Variants in ECI2 observed in about 807,000 individuals in gnomAD.
The protein encoded by ECI2 is enoyl-CoA delta isomerase 2.
ECI2 carries 27 observed loss-of-function variants against 38.4 expected under a neutral mutation model. The observed-to-expected ratio is 0.70, with a 90% confidence interval of 0.52 to 0.97. ECI2 has a LOEUF of 0.97. Ranked by LOEUF, ECI2 falls within the 50% of genes least tolerant of loss-of-function variation. The pLI is 0.00. For missense variants in ECI2, 470 were observed against 474.4 expected (o/e 0.99, Z 0.09); for synonymous variants, 168 against 172.0 (o/e 0.98, Z 0.18).
chr6:4,131,582 T>G (rs1238669132), intron 2 of ECI2, among the ~76,000 whole-genome samples: 2 of 151,942 alleles, frequency 1.3e-5, no homozygotes, highest in Non-Finnish European at 1.5e-5. Context: ...ACAAGCCAGG[T>G]GTGGTGGCTC....
rs1484198174 is a variant in ECI2, at chr6:4,116,003, G to C, written c.1056C>G (p.Ile352Met). 5 of 1,613,424 alleles carry C rather than the reference G, an allele frequency of 3.1e-6. No individual in the cohort carries two copies. Among genetic ancestry groups the C allele is most frequent in the Non-Finnish European group, 3.4e-6 (4 of 1,179,812 alleles). ...PNALRISKEV[I>M]RKREREKLHA... ...GTAGTTTTTCTCTCTCTCTTTTCCT[G>C]ATTACCTCTTTTGAAATTCTCAAGG... Residue 352 changes from isoleucine (I) to methionine (M), a missense_variant, in exon 10 of 10, where the codon ATC (isoleucine) becomes ATG (methionine). Coordinates refer to ENST00000380118, the MANE Select transcript of ECI2 (RefSeq NM_206836.3).
intron 7 of ECI2, among the ~76,000 whole-genome samples, chr6:4,121,525 T>C (rs1772752175): frequency 6.6e-6 from 1 of 152,228 alleles, no homozygotes; most frequent in Non-Finnish European, 1.5e-5. Context: ...TATCGCTTTA[T>C]AGACAAACTT....
At chr6:4,130,950 C>T in intron 2 of ECI2, 85 bp from the exon 3 acceptor site, 1 of 1,255,316 alleles carries the variant, frequency 8.0e-7, no homozygotes, top group East Asian at 2.3e-5. Context: ...TCTGTAAGTA[C>T]ATGAATGCCT....
chr6:4,135,435 A>C, intron 1 of ECI2, 76 bp downstream of exon 1: 1 of 1,606,798 alleles, frequency 6.2e-7, no homozygotes, highest in Non-Finnish European at 8.5e-7. Context: ...AGGGTCTTCC[A>C]ACGGCGGCGA....
chr6:4,134,400 G>A (rs1773632613), intron 1 of ECI2, among the ~76,000 whole-genome samples: 1 of 152,182 alleles, frequency 6.6e-6, no homozygotes. Context: ...GAACAGAGCA[G>A]AAACAGCAAC....
intron 7 of ECI2, 47 bp from the exon 8 acceptor site, chr6:4,119,322 T>A (rs775909942): frequency 5.4e-6 from 4 of 738,708 alleles, no homozygotes; most frequent in Non-Finnish European, 7.4e-6. Context: ...ATGTGTGATT[T>A]TTTTTTTTTT....
chr6:4,135,331 C>A, intron 1 of ECI2, 180 bp downstream of exon 1: 1 of 1,464,654 alleles, frequency 6.8e-7, no homozygotes, highest in South Asian at 1.3e-5. Flanking sequence ...CCCAGCGGTG[C>A]AGGAGGGCGC....
intron 7 of ECI2, chr6:4,122,052 T>C (rs776988207): frequency 1.3e-6 from 2 of 1,552,310 alleles, no homozygotes; most frequent in Non-Finnish European, 8.8e-7. Flanking sequence ...AACAGGTACA[T>C]GCAAAGTTGC....
chr6:4,127,962 A>G (rs1773283448), intron 4 of ECI2, 131 bp from the exon 5 acceptor site: 1 of 790,424 alleles, frequency 1.3e-6, no homozygotes, highest in South Asian at 2.3e-5. Flanking sequence ...GTTGTATTTT[A>G]TAACCAAAAA....
chr6:4,134,973 TC>T, intron 1 of ECI2: 1 of 372,890 alleles, frequency 2.7e-6, no homozygotes, highest in South Asian at 1.9e-5. Context: ...ATGCACAGAT[TC>T]GTGCGGGTTC....
chr6:4,127,715 C>A (rs1773263222), intron 5 of ECI2, 47 bp downstream of exon 5: 1 of 1,573,242 alleles, frequency 6.4e-7, no homozygotes, highest in South Asian at 1.1e-5. Flanking sequence ...TATTAAGAGG[C>A]CCCTCAAAAT....
Position 4,128,258 on chromosome 6 carries a change from G to A in ECI2, c.502-427C>T, listed in dbSNP as rs115014208. On this transcript the variant is annotated intron_variant, in intron 4 of 9. Coordinates refer to ENST00000380118, the MANE Select transcript of ECI2 (RefSeq NM_206836.3). ...GTGGGCAGAGTGGGAGGTGGTCAGA[G>A]AAAACTTTCTACAAAGCAACGTCTC... 5.3e-3 allele frequency among the ~76,000 whole-genome samples: 811 copies of A among 151,964 alleles called. 6 individuals carry two copies. The highest frequency in any genetic ancestry group is 9.0e-3 in the Non-Finnish European group (615 of 67,972).
rs1223846442 is a variant in ECI2, at chr6:4,117,353, T to A, written c.984A>T (p.Lys328Asn). Reference sequence around the variant, plus strand: ...ATGCCTTCAGCCTGGTCCAGACTTCTTTCTGAAAAGTGCTATCAGGGAAAA... The same window carrying A: ...ATGCCTTCAGCCTGGTCCAGACTTCATTCTGAAAAGTGCTATCAGGGAAAA... ...TEVFPDSTFQ[K>N]EVWTRLKAFA... Residue 328 changes from lysine to asparagine, a missense_variant, in exon 9 of 10, where the codon AAA (lysine) becomes AAT (asparagine). By Grantham distance (94) the Lys-to-Asn change is moderately conservative. Coordinates refer to ENST00000380118, the MANE Select transcript of ECI2 (RefSeq NM_206836.3). 1.2e-6 allele frequency: 2 copies of A among 1,613,834 alleles called. No individual in the cohort carries two copies. Among genetic ancestry groups the A allele is most frequent in the Non-Finnish European group, 1.7e-6 (2 of 1,179,926 alleles).
rs978332050 is a variant in ECI2, at chr6:4,133,541, G to A, written c.213+8C>T. Reference sequence around the variant, plus strand: ...TTCTTTAAATAACGTTCGACCGTAGGCATTTACCTGCTTATATAGCGCGTA... The same window carrying A: ...TTCTTTAAATAACGTTCGACCGTAGACATTTACCTGCTTATATAGCGCGTA... On this transcript the variant is annotated splice_region_variant and intron_variant, in intron 2 of 9. Coordinates refer to ENST00000380118, the MANE Select transcript of ECI2 (RefSeq NM_206836.3). The A allele has an allele frequency of 3.1e-6, 5 of 1,600,622 alleles. No homozygotes were observed. In the African/African-American group the frequency reaches 6.7e-5, roughly 22 times the overall value.
In ECI2 at chr6:4,117,463, A is replaced by C. The variant is rs769909134; in HGVS notation, c.886-12T>G. On this transcript the variant is annotated splice_polypyrimidine_tract_variant and intron_variant, in intron 8 of 9. Transcript: ENST00000380118. Reference sequence around the variant, plus strand: ...AGCATCTCTGTTGCCTGAAATGAAAAGCAAGAAGCAAGGTTAAGATACTAA... The same window carrying C: ...AGCATCTCTGTTGCCTGAAATGAAACGCAAGAAGCAAGGTTAAGATACTAA... 1.9e-6 allele frequency: 3 copies of C among 1,608,854 alleles called. No individual in the cohort carries two copies. Among genetic ancestry groups the C allele is most frequent in the Non-Finnish European group, 2.5e-6 (3 of 1,178,760 alleles).
At chr6:4,125,742 G>C (rs1773108671) in intron 6 of ECI2, 1 of 411,892 alleles carries the variant, frequency 2.4e-6, no homozygotes, top group Non-Finnish European at 4.5e-6. Flanking sequence ...GGAATAAAGA[G>C]AAAAGCCTTC....
chr6:4,127,863 A>G (rs753847868), intron 4 of ECI2, 32 bp from the exon 5 acceptor site: 8 of 1,589,262 alleles, frequency 5.0e-6, no homozygotes, highest in African/African-American at 4.1e-5. Context: ...AAAAGAAAAG[A>G]ACTCTGAACA....
chr6:4,120,022 T>C (rs13328273), intron 7 of ECI2, among the ~76,000 whole-genome samples: 2,731 of 152,360 alleles, frequency 0.018, 83 homozygotes, highest in African/African-American at 0.062. Flanking sequence ...TTCTGAGTAG[T>C]ATTCCTTTGT....
At chr6:4,127,284 G>A (rs922711517) in intron 5 of ECI2, among the ~76,000 whole-genome samples, 8 of 151,950 alleles carry the variant, frequency 5.3e-5, no homozygotes, top group African/African-American at 1.9e-4. Flanking sequence ...GTCTTTTGGT[G>A]GACATATGTG....
Sources: gnomAD v4.1 joint callset for allele counts (sites outside exome capture counted in the v4.1 genomes callset) on GRCh38, gnomAD v4.1.1 for gene constraint, MANE v1.5 for transcripts, NCBI Gene and HGNC (gene_info 2026-07-23, HGNC 2026-07-21) for gene names.